Variants in TRDN observed in about 807,000 individuals in gnomAD.
TRDN encodes triadin.
TRDN carries 161 observed loss-of-function variants against 149.7 expected under a neutral mutation model. That is an observed-to-expected ratio of 1.08 (90% CI 0.95 to 1.23). The LOEUF (loss-of-function observed/expected upper bound fraction) is 1.23, where lower values mean the gene tolerates loss of function less well. Ranked by LOEUF, TRDN falls within the 50% of genes most tolerant of loss-of-function variation. The pLI is 0.00. For synonymous variants in TRDN, 294 were observed against 250.5 expected (o/e 1.17, Z -1.64); for missense variants, 896 against 823.5 (o/e 1.09, Z -1.08).
chr6:123,388,532 T>G lies in TRDN; in HGVS notation c.1125A>C (p.Glu375Asp). 1 of 1,586,700 alleles carries G rather than the reference T, an allele frequency of 6.3e-7. No homozygotes were observed. Among genetic ancestry groups the G allele is most frequent in the Non-Finnish European group, 8.6e-7 (1 of 1,164,252 alleles). The part of the protein sequence containing the change: ...IAAQAAAKKD[E>D]KKEDSKKTKK... Reference sequence around the variant, plus strand: ...TTGCATAAAACATACCTTCCTTCTTTTCATCCTTCTTAGCTGCTGCTGAAG... The same window carrying G: ...TTGCATAAAACATACCTTCCTTCTTGTCATCCTTCTTAGCTGCTGCTGAAG... Residue 375 changes from glutamate to aspartate, a missense_variant, in exon 14 of 41, where the codon GAA becomes GAC. Physicochemically the swap from Glu to Asp is conservative, Grantham distance 45. Coordinates refer to ENST00000334268, the MANE Select transcript of TRDN (RefSeq NM_006073.4).
chr6:123,492,600 T>A (rs1290769891), intron 9 of TRDN, among the ~76,000 whole-genome samples: 2 of 152,002 alleles, frequency 1.3e-5, no homozygotes, highest in Admixed American at 1.3e-4. Context: ...CCTAAATGAA[T>A]AAAATTATCA....
chr6:123,506,819 A>T (rs1240518298), intron 7 of TRDN, among the ~76,000 whole-genome samples: 1 of 152,054 alleles, frequency 6.6e-6, no homozygotes, highest in Non-Finnish European at 1.5e-5. Flanking sequence ...TTGAATTAAT[A>T]ATGTCTTCCC....
intron 23 of TRDN, among the ~76,000 whole-genome samples, chr6:123,327,577 CAG>C (rs1779505061): frequency 6.6e-6 from 1 of 151,922 alleles, no homozygotes; most frequent in Non-Finnish European, 1.5e-5. Context: ...TTCTTTGTAA[CAG>C]AGTTTGTTTC....
rs143535631 is a variant in TRDN, at chr6:123,278,955, CA to C, written c.1537+100del. 541,345 of 1,104,728 alleles carry C rather than the reference CA, an allele frequency of 0.49. 139,214 individuals carry two copies. Among genetic ancestry groups the C allele is most frequent in the Admixed American group, 0.59 (23,224 of 39,678 alleles). The allele number at this position is 1,104,728 out of a possible 1,614,324, so 68.4% of individuals were successfully genotyped here. A position where few individuals can be genotyped will look rare whatever the true frequency, so the allele number is the denominator to read the frequency against. On this transcript the variant is annotated intron_variant, in intron 25 of 40. Transcript: ENST00000334268. ...AGCCTTTGACTTTAAGCAAAATATT[CA>C]ACATGAAATCAAGATAAATAACAGC...
rs1386234137 is a variant in TRDN at position 123,488,310 on chromosome 6, A to G, written c.853+8883T>C. ...GGTAATGACCCTTGGTATTTGGCAG[A>G]TGCTAAACAAATGATATTTGGACTA... is the stretch of plus-strand genomic sequence containing the variant. On this transcript the variant is annotated intron_variant, in intron 9 of 40. Coordinates refer to ENST00000334268, the MANE Select transcript of TRDN (RefSeq NM_006073.4). Among the ~76,000 whole-genome samples, 4 of 152,154 alleles carry G rather than the reference A, an allele frequency of 2.6e-5. No homozygotes were observed. The South Asian group carries it at 6.2e-4, about 24-fold the overall frequency.
At chr6:123,251,738 T>G (rs1776383383) in intron 38 of TRDN, among the ~76,000 whole-genome samples, 1 of 151,974 alleles carries the variant, frequency 6.6e-6, no homozygotes, top group African/African-American at 2.4e-5. Context: ...CCTTGAATCT[T>G]AGGAACTTGT....
chr6:123,234,265 CA>C (rs1174185859), intron 38 of TRDN, among the ~76,000 whole-genome samples: 1 of 151,970 alleles, frequency 6.6e-6, no homozygotes, highest in African/African-American at 2.4e-5. Context: ...TCTAACAAAA[CA>C]GAAGTCATTT....
intron 12 of TRDN, among the ~76,000 whole-genome samples, chr6:123,414,535 T>C (rs1773573475): frequency 6.6e-6 from 1 of 152,028 alleles, no homozygotes; most frequent in Admixed American, 6.6e-5. Context: ...TCAGGAAAAA[T>C]CAAATCTTTT....
At chr6:123,470,696 C>T (rs1234826069) in intron 9 of TRDN, 2 of 152,120 alleles carry the variant, frequency 1.3e-5, no homozygotes, top group African/African-American at 4.8e-5. Context: ...GTCCTAAGGG[C>T]AATAGTAAGC....
intron 4 of TRDN, among the ~76,000 whole-genome samples, chr6:123,539,162 A>G (rs939735786): frequency 6.6e-6 from 1 of 152,202 alleles, no homozygotes; most frequent in African/African-American, 2.4e-5. Context: ...CAATTTAAAT[A>G]AACTCTCAGG....
chr6:123,626,284 C>T (rs1235493526), intron 1 of TRDN, among the ~76,000 whole-genome samples: 1 of 152,070 alleles, frequency 6.6e-6, no homozygotes, highest in Non-Finnish European at 1.5e-5. Flanking sequence ...GAGTTCAAGA[C>T]CACCTTGGCC....
chr6:123,608,213 G>C (rs913245762), intron 1 of TRDN, among the ~76,000 whole-genome samples: 1 of 151,732 alleles, frequency 6.6e-6, no homozygotes, highest in African/African-American at 2.4e-5. Context: ...GATTGATTGG[G>C]TAAATTATTT....
intron 24 of TRDN, among the ~76,000 whole-genome samples, chr6:123,283,985 C>CACATATAT (rs1554220205): frequency 1.7e-5 from 1 of 57,220 alleles, no homozygotes; most frequent in Non-Finnish European, 3.0e-5. Context: ...CAACATGGCA[C>CACATATAT]ATATATATAT....
rs12527020 is a variant in TRDN at position 123,298,550 on chromosome 6, T to C, written c.1510+17907A>G. Among the ~76,000 whole-genome samples the C allele has an allele frequency of 5.5e-3, 842 of 152,176 alleles. 17 individuals carry two copies. The highest frequency in any genetic ancestry group is 0.034 in the Admixed American group (514 of 15,238). On this transcript the variant is annotated intron_variant, in intron 24 of 40. Coordinates refer to ENST00000334268, the MANE Select transcript of TRDN (RefSeq NM_006073.4). ...TCATTTACTCATTTGTCTCCCCAGA[T>C]AGAGTAAGAAATTCACTAGGCAAGG...
chr6:123,289,948 G>A (rs1399310667), intron 24 of TRDN, among the ~76,000 whole-genome samples: 1 of 152,148 alleles, frequency 6.6e-6, no homozygotes, highest in Admixed American at 6.6e-5. Context: ...ACCAACTCCA[G>A]AGCTAACTCT....
intron 1 of TRDN, among the ~76,000 whole-genome samples, chr6:123,575,248 A>C (rs1489727720): frequency 1.3e-5 from 2 of 152,112 alleles, no homozygotes; most frequent in African/African-American, 4.8e-5. Context: ...TCTTAAAGAA[A>C]ATTATGTGTT....
chr6:123,432,707 T>C (rs1774382720), intron 12 of TRDN, among the ~76,000 whole-genome samples: 2 of 152,122 alleles, frequency 1.3e-5, no homozygotes, highest in South Asian at 4.1e-4. Flanking sequence ...ACTTTATCTT[T>C]CACTCCACTG....
At chr6:123,302,831 A>G (rs1778476912) in intron 24 of TRDN, among the ~76,000 whole-genome samples, 1 of 152,102 alleles carries the variant, frequency 6.6e-6, no homozygotes, top group Non-Finnish European at 1.5e-5. Context: ...TCAGTTCTTG[A>G]TGGGCCCTAA....
intron 33 of TRDN, among the ~76,000 whole-genome samples, chr6:123,261,921 T>C (rs1776785788): frequency 6.6e-6 from 1 of 151,936 alleles, no homozygotes; most frequent in African/African-American, 2.4e-5. Flanking sequence ...CATTATGAAG[T>C]AGCCTGTAGC....
Sources: gnomAD v4.1 joint callset for allele counts (sites outside exome capture counted in the v4.1 genomes callset) on GRCh38, gnomAD v4.1.1 for gene constraint, MANE v1.5 for transcripts, NCBI Gene and HGNC (gene_info 2026-07-23, HGNC 2026-07-21) for gene names.